Variants in ADPRM observed in about 807,000 individuals in gnomAD.
The protein encoded by ADPRM is manganese-dependent ADP-ribose/CDP-alcohol diphosphatase.
ADPRM carries 17 observed loss-of-function variants against 27.2 expected under a neutral mutation model. The ratio of observed to expected loss-of-function variants is 0.63; its 90% CI spans 0.43 to 0.94. The LOEUF (loss-of-function observed/expected upper bound fraction) is 0.94, where lower values mean the gene tolerates loss of function less well. Ranked by LOEUF, ADPRM falls within the 40% of genes least tolerant of loss-of-function variation. The probability of loss-of-function intolerance (pLI) is 0.00; values close to 1 mark genes in which losing one functional copy is unlikely to be tolerated. For synonymous variants in ADPRM, 135 were observed against 145.3 expected (o/e 0.93, Z 0.51); for missense variants, 337 against 412.8 (o/e 0.82, Z 1.59).
chr17:10,706,180 G>T lies in ADPRM; in HGVS notation c.602-258G>T, dbSNP rs138957526. Among the ~76,000 whole-genome samples the T allele has an allele frequency of 2.0e-4, 31 of 152,224 alleles. No individual in the cohort carries two copies. In the East Asian group the frequency reaches 5.8e-3, roughly 28 times the overall value. On this transcript the variant is annotated intron_variant, in intron 2 of 3. Transcript: ENST00000379774. ...GTAAACGGGGCCAAGAATATGTAGC[G>T]GCTGAGTGGACTTAAGAAGTTTGCA...
intron 3 of ADPRM, among the ~76,000 whole-genome samples, chr17:10,708,185 C>T (rs1346972942): frequency 1.3e-5 from 2 of 152,038 alleles, no homozygotes; most frequent in Non-Finnish European, 2.9e-5. Flanking sequence ...AATCCCAGCA[C>T]TTTGGAAGGC....
In ADPRM at chr17:10,705,722, T is replaced by C; in HGVS notation, c.601+195T>C. ...TGATTTAACAGATATTTTAAATGCC[T>C]ATTTTAGGCCAGGCACTTTTTCTAG... On this transcript the variant is annotated intron_variant, in intron 2 of 3. Coordinates refer to ENST00000379774, the MANE Select transcript of ADPRM (RefSeq NM_020233.5). The surrounding 1 kb of genome is among the most constrained non-coding windows in gnomAD (Gnocchi z 5.4). 2 of 903,754 alleles carry C rather than the reference T, an allele frequency of 2.2e-6. No homozygotes were observed. The highest frequency in any genetic ancestry group is 1.9e-5 in the South Asian group (1 of 53,070). 56.0% of individuals were successfully genotyped at this position (903,754 alleles called of 1,614,324 possible). A position where few individuals can be genotyped will look rare whatever the true frequency, so the allele number is the denominator to read the frequency against.
chr17:10,699,670 G>A (rs958204834), intron 1 of ADPRM, among the ~76,000 whole-genome samples: 1 of 151,750 alleles, frequency 6.6e-6, no homozygotes, highest in African/African-American at 2.4e-5. Context: ...GACTAGAGGT[G>A]CGTGCCACCA....
intron 2 of ADPRM, among the ~76,000 whole-genome samples, chr17:10,706,215 T>C (rs1404632282): frequency 2.0e-5 from 3 of 152,170 alleles, no homozygotes; most frequent in Non-Finnish European, 4.4e-5. Flanking sequence ...ATTTTTAATA[T>C]AATGGAAAGC....
chr17:10,703,373 A>G (rs1297965447), intron 1 of ADPRM, among the ~76,000 whole-genome samples: 3 of 152,190 alleles, frequency 2.0e-5, no homozygotes, highest in Non-Finnish European at 1.5e-5. Flanking sequence ...AAATTAAAAA[A>G]AAGTATGAGA....
At position 10,702,231 on chromosome 17, in the gene ADPRM, T is replaced by A. The variant is rs1214059211; in HGVS notation, c.-17-2679T>A. On this transcript the variant is annotated intron_variant, in intron 1 of 3. Transcript: ENST00000379774. This position sits in a 1 kb window ranked among gnomAD's most constrained non-coding sequence, Gnocchi z 4.2. ...GTATATTCAACACTTTGGATCTCTC[T>A]TTTTACCCCAGAACACATCGCTGTT... is the stretch of plus-strand genomic sequence containing the variant. Among the ~76,000 whole-genome samples the A allele has an allele frequency of 6.6e-6, 1 of 152,242 alleles. No homozygotes were observed. Among genetic ancestry groups the A allele is most frequent in the Admixed American group, 6.5e-5 (1 of 15,286 alleles).
At chr17:10,707,879 G>A (rs1019405096) in intron 3 of ADPRM, among the ~76,000 whole-genome samples, 10 of 152,178 alleles carry the variant, frequency 6.6e-5, no homozygotes, top group African/African-American at 1.9e-4. Context: ...GCGTGTATGT[G>A]CGCATGGGCA....
At position 10,704,919 on chromosome 17, in the gene ADPRM, T is replaced by C; in HGVS notation, c.-8T>C. 1 of 1,561,594 alleles carries C rather than the reference T, an allele frequency of 6.4e-7. No individual in the cohort carries two copies. The highest frequency in any genetic ancestry group is 8.6e-7 in the Non-Finnish European group (1 of 1,157,492). ...TTTTTACTTTATTTAGAAACCTGTT[T>C]GGAGGTTATGGATGATAAACCCAAT... is the stretch of plus-strand genomic sequence containing the variant. On this transcript the variant is annotated 5_prime_UTR_variant, in exon 2 of 4. Coordinates refer to ENST00000379774, the MANE Select transcript of ADPRM (RefSeq NM_020233.5).
chr17:10,709,430 G>T (rs962421204), intron 3 of ADPRM, among the ~76,000 whole-genome samples: 1 of 152,168 alleles, frequency 6.6e-6, no homozygotes, highest in African/African-American at 2.4e-5. Flanking sequence ...AAATAGAGAA[G>T]TCCGAGGACC....
intron 3 of ADPRM, among the ~76,000 whole-genome samples, chr17:10,709,653 G>A (rs959757549): frequency 3.3e-5 from 5 of 151,748 alleles, no homozygotes; most frequent in East Asian, 1.9e-4. Context: ...ATATGGCTTC[G>A]AGGTGCTGGA....
chr17:10,704,750 A>G lies in ADPRM; in HGVS notation c.-17-160A>G, dbSNP rs879490787. The G allele has an allele frequency of 1.1e-5, 6 of 558,682 alleles. No individual in the cohort carries two copies. In the Admixed American group the frequency reaches 2.0e-4, roughly 19 times the overall value. 34.6% of individuals were successfully genotyped at this position (558,682 alleles called of 1,614,324 possible). A position where few individuals can be genotyped will look rare whatever the true frequency, so the allele number is the denominator to read the frequency against. On this transcript the variant is annotated intron_variant, in intron 1 of 3. Coordinates refer to ENST00000379774, the MANE Select transcript of ADPRM (RefSeq NM_020233.5). ...AAAGCAAGTGTTTTAGAGGGTTAGT[A>G]GTTTAGACCTAAGACTGTTGGGCTC...
At position 10,706,420 on chromosome 17, in the gene ADPRM, T is replaced by G; in HGVS notation, c.602-18T>G. 1 of 1,559,218 alleles carries G rather than the reference T, an allele frequency of 6.4e-7. No homozygotes were observed. The highest frequency in any genetic ancestry group is 1.2e-5 in the South Asian group (1 of 85,012). On this transcript the variant is annotated intron_variant, in intron 2 of 3. Coordinates refer to ENST00000379774, the MANE Select transcript of ADPRM (RefSeq NM_020233.5). ...GGAAAAATGACTTGATGGGGCTAAC[T>G]TACTGAATTCATTTCAGGACTTTCT...
chr17:10,707,252 G>A (rs1239712813), intron 3 of ADPRM, among the ~76,000 whole-genome samples: 1 of 152,186 alleles, frequency 6.6e-6, no homozygotes. Flanking sequence ...GTGCGTGCCT[G>A]TAGTTCCAGC....
rs1410395409 is a variant in ADPRM at position 10,707,393 on chromosome 17, CATAA to C, written c.718+849_718+852del. Among the ~76,000 whole-genome samples, 7 of 152,008 alleles carry C rather than the reference CATAA, an allele frequency of 4.6e-5. No homozygotes were observed. The South Asian group carries it at 8.3e-4, about 18-fold the overall frequency. On this transcript the variant is annotated intron_variant, in intron 3 of 3. Transcript: ENST00000379774. ...TATCTCAAAAATAAATAAATAAATA[CATAA>C]ATAAATAAAACCAAGCACAAACAAA...
Position 10,710,947 on chromosome 17 carries a change from C to T in ADPRM, c.832C>T (p.His278Tyr). ...HECVVCFFAG[H>Y]THDGGYSEDP... is the part of the protein sequence containing the mutation. Reference sequence around the variant, plus strand: ...GTGTGTGGTGTGTTTCTTTGCTGGTCACACCCATGATGGTGGCTACTCTGA... The same window carrying T: ...GTGTGTGGTGTGTTTCTTTGCTGGTTACACCCATGATGGTGGCTACTCTGA... The change falls in exon 4 of 4, where the codon CAC (histidine) becomes TAC (tyrosine). Residue 278 changes from histidine to tyrosine, a missense_variant. His to Tyr is a moderately conservative substitution (Grantham distance 83). Coordinates refer to ENST00000379774, the MANE Select transcript of ADPRM (RefSeq NM_020233.5). 1 of 1,614,106 alleles carries T rather than the reference C, an allele frequency of 6.2e-7. No individual in the cohort carries two copies.
Position 10,705,144 on chromosome 17 carries a change from G to A in ADPRM, c.218G>A (p.Gly73Glu). The A allele has an allele frequency of 6.2e-7, 1 of 1,614,058 alleles. No homozygotes were observed. Among genetic ancestry groups the A allele is most frequent in the South Asian group, 1.1e-5 (1 of 91,068 alleles). ...SSMPCCVLQLGDIIDGYNAQY... is the reference protein window; with the variant it reads ...SSMPCCVLQLEDIIDGYNAQY... ...ATGCCCTGTTGTGTCCTTCAGCTTG[G>A]AGATATCATCGATGGATATAATGCA... The change falls in exon 2 of 4, where the codon GGA becomes GAA. Residue 73 changes from glycine to glutamate, a missense_variant. Coordinates refer to ENST00000379774, the MANE Select transcript of ADPRM (RefSeq NM_020233.5). This position sits in a 1 kb window ranked among gnomAD's most constrained non-coding sequence, Gnocchi z 5.4.
rs1262883764 is a variant in ADPRM, at chr17:10,711,222, CATT to C, written c.*79_*81del. On this transcript the variant is annotated 3_prime_UTR_variant, in exon 4 of 4. Coordinates refer to ENST00000379774, the MANE Select transcript of ADPRM (RefSeq NM_020233.5). Reference sequence around the variant, plus strand: ...ACAAAAAAATAAAAATCCTCTGTCTCATTGTTTAGTATTCAGCTTGCATAACAA... The same window carrying C: ...ACAAAAAAATAAAAATCCTCTGTCTCGTTTAGTATTCAGCTTGCATAACAA... 6.9e-6 allele frequency: 8 copies of C among 1,155,382 alleles called. No homozygotes were observed. Among genetic ancestry groups the C allele is most frequent in the Non-Finnish European group, 9.7e-6 (8 of 826,360 alleles). 71.6% of individuals were successfully genotyped at this position (1,155,382 alleles called of 1,614,324 possible). A position where few individuals can be genotyped will look rare whatever the true frequency, so the allele number is the denominator to read the frequency against.
Position 10,702,159 on chromosome 17 carries a change from C to T in ADPRM, c.-17-2751C>T, listed in dbSNP as rs1329706412. Among the ~76,000 whole-genome samples the T allele has an allele frequency of 6.6e-6, 1 of 152,160 alleles. No homozygotes were observed. The highest frequency in any genetic ancestry group is 2.4e-5 in the African/African-American group (1 of 41,430). On this transcript the variant is annotated intron_variant, in intron 1 of 3. Coordinates refer to ENST00000379774, the MANE Select transcript of ADPRM (RefSeq NM_020233.5). The surrounding 1 kb of genome is among the most constrained non-coding windows in gnomAD (Gnocchi z 4.2). ...TCCGAAATCTAAAACACTTCTGGTC[C>T]CAAGCATTTTGGATAAGGAGATACT...
At chr17:10,699,778 C>T (rs1015589378) in intron 1 of ADPRM, among the ~76,000 whole-genome samples, 2 of 152,024 alleles carry the variant, frequency 1.3e-5, no homozygotes, top group African/African-American at 2.4e-5. Context: ...GTGATCTGCC[C>T]GCCTCGGCCT....
Sources: gnomAD v4.1 joint callset for allele counts (sites outside exome capture counted in the v4.1 genomes callset) on GRCh38, gnomAD v4.1.1 for gene constraint, Gnocchi (gnomAD v3.1) non-coding constraint, MANE v1.5 for transcripts, NCBI Gene and HGNC (gene_info 2026-07-23, HGNC 2026-07-21) for gene names.